MID1: variants seen among roughly 807,000 people sequenced by gnomAD.
MID1 encodes midline 1.
A neutral mutation model predicts 40.4 loss-of-function variants in MID1; 7 were observed. The ratio of observed to expected loss-of-function variants is 0.17; its 90% confidence interval spans 0.10 to 0.33. The LOEUF is 0.33. Among genes scored for constraint, MID1 ranks in the 10% least tolerant of loss-of-function variants. MID1 has a pLI of 1.00. For synonymous variants in MID1, 229 were observed against 221.2 expected (o/e 1.04, Z -0.31); for missense variants, 367 against 558.5 (o/e 0.66, Z 3.46).
intron 1 of MID1, among the ~76,000 whole-genome samples, chrX:10,778,124 T>A (rs989443238): frequency 8.9e-6 from 1 of 111,937 alleles, no homozygotes; most frequent in Non-Finnish European, 1.9e-5. Flanking sequence ...TAATTTCTTA[T>A]CATTATGAAG....
At chrX:10,689,892 A>G (rs1197515953) in intron 1 of MID1, among the ~76,000 whole-genome samples, 1 of 111,603 alleles carries the variant, frequency 9.0e-6, no homozygotes, top group African/African-American at 3.3e-5. Context: ...AATTGCTTCA[A>G]AAGAATTTAA....
chrX:10,535,150 A>G (rs934739574), intron 2 of MID1, among the ~76,000 whole-genome samples: 12 of 111,719 alleles, frequency 1.1e-4, no homozygotes, highest in Non-Finnish European at 1.9e-4. Flanking sequence ...ACACATGGCA[A>G]TCACCTGGAT....
intron 8 of MID1, among the ~76,000 whole-genome samples, chrX:10,457,872 T>C (rs1928779268): frequency 8.9e-6 from 1 of 112,859 alleles, no homozygotes; most frequent in Admixed American, 9.3e-5. Flanking sequence ...TCCTTCTGCA[T>C]GGAACACTGT....
At chrX:10,773,936 A>G (rs1282465291) in intron 1 of MID1, among the ~76,000 whole-genome samples, 1 of 112,269 alleles carries the variant, frequency 8.9e-6, no homozygotes, top group African/African-American at 3.2e-5. Context: ...TGGAACCTCC[A>G]TATCTAAATG....
intron 1 of MID1, among the ~76,000 whole-genome samples, chrX:10,616,529 T>C (rs1485650379): frequency 2.7e-5 from 3 of 112,082 alleles, no homozygotes; most frequent in South Asian, 3.7e-4. Flanking sequence ...CAGGTTGCCA[T>C]AGCTACCTTG....
At chrX:10,772,571 T>A (rs984412450) in intron 1 of MID1, among the ~76,000 whole-genome samples, 92 of 108,537 alleles carry the variant, frequency 8.5e-4, no homozygotes, top group Non-Finnish European at 1.6e-3. Flanking sequence ...AAATAAAAAA[T>A]TTTTAAAAAA....
chrX:10,764,171 T>C (rs1322782427), intron 1 of MID1, among the ~76,000 whole-genome samples: 1 of 112,100 alleles, frequency 8.9e-6, no homozygotes, highest in Non-Finnish European at 1.9e-5. Context: ...TTTAGTTTAA[T>C]AAGATCCCAT....
intron 1 of MID1, among the ~76,000 whole-genome samples, chrX:10,604,258 C>T (rs1935585038): frequency 9.0e-6 from 1 of 111,249 alleles, no homozygotes; most frequent in African/African-American, 3.3e-5. Context: ...AATAATTAGT[C>T]TTTAAATATA....
intron 1 of MID1, among the ~76,000 whole-genome samples, chrX:10,723,869 GT>G (rs1018581739): frequency 8.9e-6 from 1 of 112,596 alleles, no homozygotes; most frequent in African/African-American, 3.2e-5. Context: ...TCATTTACCA[GT>G]TCTGGATCCG....
At chrX:10,735,706 T>G (rs959076691) in intron 1 of MID1, among the ~76,000 whole-genome samples, 3 of 111,642 alleles carry the variant, frequency 2.7e-5, no homozygotes, top group Non-Finnish European at 5.6e-5. Context: ...TTTATTTATT[T>G]TGAGACAGGG....
intron 4 of MID1, among the ~76,000 whole-genome samples, chrX:10,484,749 G>A (rs1486066110): frequency 8.9e-6 from 1 of 111,816 alleles, no homozygotes; most frequent in Non-Finnish European, 1.9e-5. Context: ...CGCAGAGCAG[G>A]AGGAATTTCC....
At chrX:10,507,180 T>G (rs1199359872) in intron 3 of MID1, among the ~76,000 whole-genome samples, 1 of 99,948 alleles carries the variant, frequency 1.0e-5, no homozygotes, top group Non-Finnish European at 2.0e-5. Context: ...CGCCCCCATC[T>G]CTCCCTCTTT....
intron 1 of MID1, among the ~76,000 whole-genome samples, chrX:10,688,122 G>A (rs1024129233): frequency 9.9e-5 from 11 of 111,573 alleles, no homozygotes; most frequent in Non-Finnish European, 1.7e-4. Context: ...AGCCTCCTAC[G>A]TAGCTGGGAT....
intron 1 of MID1, among the ~76,000 whole-genome samples, chrX:10,796,601 C>A (rs1047196429): frequency 4.6e-5 from 5 of 109,745 alleles, no homozygotes; most frequent in Non-Finnish European, 7.6e-5. Context: ...TAATATCTTG[C>A]CTTTCTTATT....
At chrX:10,715,983 T>A (rs2043300101) in intron 1 of MID1, among the ~76,000 whole-genome samples, 1 of 111,510 alleles carries the variant, frequency 9.0e-6, no homozygotes, top group Non-Finnish European at 1.9e-5. Flanking sequence ...CAGCTGAGGG[T>A]CCTGTCTGTT....
chrX:10,502,189 G>C (rs1931580635), intron 3 of MID1, among the ~76,000 whole-genome samples: 1 of 111,553 alleles, frequency 9.0e-6, no homozygotes, highest in Non-Finnish European at 1.9e-5. Flanking sequence ...GATGGAGCAT[G>C]AGTGAAGGAA....
At chrX:10,706,725 A>G (rs1051449073) in intron 1 of MID1, among the ~76,000 whole-genome samples, 7 of 111,568 alleles carry the variant, frequency 6.3e-5, no homozygotes, top group Non-Finnish European at 1.1e-4. Context: ...ATGGACTATT[A>G]CAATAGTCAT....
At chrX:10,501,669 G>A in intron 3 of MID1, 1 of 630,950 alleles carries the variant, frequency 1.6e-6, no homozygotes, top group Admixed American at 3.4e-5. Context: ...GGGTCACTCG[G>A]CTTCATTAAT....
At chrX:10,638,046 G>A (rs775257340) in intron 1 of MID1, among the ~76,000 whole-genome samples, 1 of 112,320 alleles carries the variant, frequency 8.9e-6, no homozygotes, top group African/African-American at 3.2e-5. Context: ...TTCTCTGGCA[G>A]AAGAAAAGTT....
Sources: allele counts gnomAD v4.1 joint callset (sites outside exome capture counted in the v4.1 genomes callset), GRCh38; gene constraint gnomAD v4.1.1; transcripts MANE v1.5; gene names NCBI Gene and HGNC (gene_info 2026-07-23, HGNC 2026-07-21).